Variants in DEAF1 observed in about 807,000 individuals in gnomAD.
The protein encoded by DEAF1 is DEAF1 transcription factor.
Under a neutral mutation model 58.9 loss-of-function variants are expected in DEAF1, and 53 were observed. The observed-to-expected ratio is 0.90, with a 90% CI of 0.72 to 1.13. The LOEUF (loss-of-function observed/expected upper bound fraction) is 1.13. Among genes scored for constraint, DEAF1 ranks in the 50% most tolerant of loss-of-function variants. The pLI, the probability that DEAF1 is intolerant of heterozygous loss-of-function variation, is 0.00. For missense variants in DEAF1, 685 were observed against 791.4 expected, an observed-to-expected ratio of 0.87 and a Z score of 1.61; for synonymous variants, 385 against 340.4, an observed-to-expected ratio of 1.13 and a Z score of -1.44.
chr11:681,217 A>G (rs1368077515), intron 6 of DEAF1, 128 bp from the exon 7 acceptor site: 5 of 1,322,608 alleles, frequency 3.8e-6, no homozygotes, highest in Non-Finnish European at 5.4e-6. Flanking sequence ...TAAGATGGTA[A>G]GCGCCCCTAA....
chr11:700,499 C>T, intron 1 of DEAF1: 1 of 892,082 alleles, frequency 1.1e-6, no homozygotes, highest in Non-Finnish European at 1.8e-6. Context: ...TGAACTCCAT[C>T]CTGGGTGACA....
chr11:695,147 C>A lies in DEAF1; in HGVS notation c.-100G>T. ...GCCCGAAGAGGACGCCCGAGCTGGG[C>A]CGAGGCCGCCCGAAGCCGCCGCCCG... On this transcript the variant is annotated 5_prime_UTR_variant, in exon 1 of 12. Coordinates refer to ENST00000382409, the MANE Select transcript of DEAF1 (RefSeq NM_021008.4). 1 of 1,137,446 alleles carries A rather than the reference C, an allele frequency of 8.8e-7. No homozygotes were observed. The allele number at this position is 1,137,446 out of a possible 1,614,324, so 70.5% of individuals were successfully genotyped here.
chr11:695,721 G>T, upstream of DEAF1: 1 of 1,240,692 alleles, frequency 8.1e-7, no homozygotes, highest in South Asian at 3.7e-5. Context: ...GAAACGCGGC[G>T]CGGTCGGGCC....
intron 6 of DEAF1, among the ~76,000 whole-genome samples, chr11:684,275 G>A (rs1211766021): frequency 1.3e-5 from 2 of 152,096 alleles, no homozygotes; most frequent in Admixed American, 6.6e-5. Flanking sequence ...AAAATTAGCT[G>A]GGCATTGTGG....
At chr11:704,097 T>C (rs1337249056) in intron 1 of DEAF1, 1 of 1,098,764 alleles carries the variant, frequency 9.1e-7, no homozygotes, top group Non-Finnish European at 1.1e-6. Context: ...TCACCGCATT[T>C]TGTAAATAAA....
intron 6 of DEAF1, among the ~76,000 whole-genome samples, chr11:681,819 G>T (rs181671745): frequency 1.3e-5 from 2 of 152,222 alleles, no homozygotes; most frequent in Admixed American, 1.3e-4. Context: ...TCAGTCCTCT[G>T]AACATACTGA....
chr11:663,028 G>C lies in DEAF1; in HGVS notation c.1504-8977C>G, dbSNP rs115352319. On this transcript the variant is annotated intron_variant, in intron 10 of 11. Transcript: ENST00000382409. ...ATATTTGGCTTTTTACTACTGGCCT[G>C]GGGGCCAGAAGCAGGGGCTCACGCC... Among the ~76,000 whole-genome samples, 848 of 152,358 alleles carry C rather than the reference G, an allele frequency of 5.6e-3. 5 individuals are homozygous for C. Among genetic ancestry groups the C allele is most frequent in the African/African-American group, 0.02 (812 of 41,582 alleles).
rs191426933 is a variant in DEAF1 at position 649,258 on chromosome 11, C to T, written c.1594-4604G>A. Among the ~76,000 whole-genome samples, 157 of 150,902 alleles carry T rather than the reference C, an allele frequency of 1.0e-3. 1 individual carries two copies. Among genetic ancestry groups the T allele is most frequent in the African/African-American group, 3.6e-3 (149 of 41,092 alleles). Reference sequence around the variant, plus strand: ...CGTGCGAGACTCCATCACACACACACACAACAACAACAACAAAAACGGGCA... The same window carrying T: ...CGTGCGAGACTCCATCACACACACATACAACAACAACAACAAAAACGGGCA... On this transcript the variant is annotated intron_variant, in intron 11 of 11. Transcript: ENST00000382409.
chr11:688,851 C>T lies in DEAF1; in HGVS notation c.388-391G>A, dbSNP rs1860705017. On this transcript the variant is annotated intron_variant, in intron 2 of 11. Coordinates refer to ENST00000382409, the MANE Select transcript of DEAF1 (RefSeq NM_021008.4). This position sits in a 1 kb window ranked among gnomAD's most constrained non-coding sequence, Gnocchi z 4.3. ...GCCTTGTGCAGGACCGCCCTCCAGACCTCCTTACAGATGGCAACTGGAGAC... is the reference window on the plus strand; with the variant it reads ...GCCTTGTGCAGGACCGCCCTCCAGATCTCCTTACAGATGGCAACTGGAGAC... 6.6e-6 allele frequency among the ~76,000 whole-genome samples: 1 copy of T among 152,206 alleles called. No individual in the cohort carries two copies.
intron 1 of DEAF1, chr11:703,351 G>C: frequency 7.2e-7 from 1 of 1,396,130 alleles, no homozygotes; most frequent in Non-Finnish European, 9.3e-7. Context: ...CCTGGTGTTG[G>C]GAACAGCTGC....
chr11:688,089 G>T lies in DEAF1; in HGVS notation c.518-32C>A. ...CAGAGAAAGTGTTTGAAGGTGAGAG[G>T]CCGGACACCGGGAAGCATAGTACAC... is the stretch of plus-strand genomic sequence containing the variant. On this transcript the variant is annotated intron_variant, in intron 3 of 11. Transcript: ENST00000382409. The surrounding 1 kb of genome is among the most constrained non-coding windows in gnomAD (Gnocchi z 4.3). The T allele has an allele frequency of 6.2e-7, 1 of 1,613,422 alleles. No individual in the cohort carries two copies. The highest frequency in any genetic ancestry group is 1.1e-5 in the South Asian group (1 of 91,036).
intron 7 of DEAF1, among the ~76,000 whole-genome samples, chr11:680,310 C>A (rs992723776): frequency 6.6e-6 from 1 of 152,182 alleles, no homozygotes; most frequent in African/African-American, 2.4e-5. Flanking sequence ...CACCCAGGGC[C>A]TCAGGAAGGA....
At chr11:694,724 AC>A (rs1861028978) in intron 1 of DEAF1, 34 bp downstream of exon 1, 2 of 1,287,930 alleles carry the variant, frequency 1.6e-6, no homozygotes, top group Non-Finnish European at 2.0e-6. Flanking sequence ...GCGCGCGGGA[AC>A]CGGACGAGGC....
chr11:680,938 T>C (rs1860333013), intron 7 of DEAF1, 25 bp downstream of exon 7: 1 of 1,614,060 alleles, frequency 6.2e-7, no homozygotes, highest in Non-Finnish European at 8.5e-7. Flanking sequence ...CTCAGTAAAC[T>C]AGAGCTGTGT....
intron 9 of DEAF1, among the ~76,000 whole-genome samples, chr11:677,950 G>A (rs1182010695): frequency 1.5e-5 from 2 of 130,572 alleles, no homozygotes; most frequent in East Asian, 2.3e-4. Context: ...GCGACAGAGT[G>A]ACACTCTGTC....
At chr11:698,520 G>C (rs1379714216), upstream of DEAF1, among the ~76,000 whole-genome samples, 1 of 152,208 alleles carries the variant, frequency 6.6e-6, no homozygotes, top group Non-Finnish European at 1.5e-5. Flanking sequence ...AGAAGCCACA[G>C]ACGGTGAGCC....
At chr11:691,634 A>G (rs1860838486) in intron 1 of DEAF1, 36 bp from the exon 2 acceptor site, 1 of 1,596,884 alleles carries the variant, frequency 6.3e-7, no homozygotes, top group Non-Finnish European at 8.6e-7. Context: ...CAAGCAACAA[A>G]AGCCAGAATG....
In DEAF1 at chr11:674,630, A is replaced by G; in HGVS notation, c.1409T>C (p.Leu470Pro). Residue 470 changes from leucine (L) to proline (P), a missense_variant, in exon 10 of 12, where the codon CTG becomes CCG. By Grantham distance (98) the Leu-to-Pro change is moderately conservative (BLOSUM62 -3). Coordinates refer to ENST00000382409, the MANE Select transcript of DEAF1 (RefSeq NM_021008.4). ...CTTGGCTTGCTCAAACAGCGTCTTC[A>G]GCTGCTGCGCTGTGTTGAGCAAGGA... ...VNSLLNTAQQ[L>P]KTLFEQAKHA... 2 of 1,614,174 alleles carry G rather than the reference A, an allele frequency of 1.2e-6. No individual in the cohort carries two copies. Among genetic ancestry groups the G allele is most frequent in the Non-Finnish European group, 1.7e-6 (2 of 1,180,030 alleles).
At chr11:703,597 T>C in intron 1 of DEAF1, 6 of 1,233,068 alleles carry the variant, frequency 4.9e-6, no homozygotes, top group Non-Finnish European at 6.1e-6. Flanking sequence ...GTTTACTCCG[T>C]GGCCAGGCCC....
Sources: gnomAD v4.1 joint callset for allele counts (sites outside exome capture counted in the v4.1 genomes callset) on GRCh38, gnomAD v4.1.1 for gene constraint, Gnocchi (gnomAD v3.1) non-coding constraint, MANE v1.5 for transcripts, NCBI Gene and HGNC (gene_info 2026-07-23, HGNC 2026-07-21) for gene names.